Variants in AKT1 observed in about 807,000 individuals in gnomAD.
AKT1 encodes RAC-alpha serine/threonine-protein kinase.
Under a neutral mutation model 63.1 loss-of-function variants are expected in AKT1, and 21 were observed. That is an observed-to-expected ratio of 0.33 (90% confidence interval 0.24 to 0.48). The LOEUF (loss-of-function observed/expected upper bound fraction) is 0.48, where lower values mean the gene tolerates loss of function less well. Ranked by LOEUF, AKT1 falls within the 20% of genes least tolerant of loss-of-function variation. The pLI is 0.99. For synonymous variants in AKT1, 257 were observed against 253.1 expected (o/e 1.02, Z -0.15); for missense variants, 382 against 666.0 (o/e 0.57, Z 4.69).
At chr14:104,780,237 A>G in intron 3 of AKT1, 21 bp from the exon 4 acceptor site, 2 of 1,611,840 alleles carry the variant, frequency 1.2e-6, no homozygotes, top group Non-Finnish European at 1.7e-6. Flanking sequence ...GCGGGTGGTG[A>G]GAGCCACGCA....
chr14:104,777,045 GTCCT>G (rs1892757642), intron 4 of AKT1: 2 of 422,952 alleles, frequency 4.7e-6, no homozygotes, highest in South Asian at 2.7e-5. Context: ...CACTCCTACA[GTCCT>G]TCCTTCAGTC....
intron 4 of AKT1, chr14:104,777,820 AG>A (rs1235178615): frequency 5.8e-6 from 4 of 688,098 alleles, no homozygotes; most frequent in Admixed American, 1.3e-4. Flanking sequence ...GGGGGCCAGG[AG>A]GGGGCTCGGG....
rs61761249 is a variant in AKT1, at chr14:104,770,092, G to C, written c.*249C>G. 2.3e-3 allele frequency: 1,343 copies of C among 578,070 alleles called. 18 individuals are homozygous for C. Among genetic ancestry groups the C allele is most frequent in the African/African-American group, 0.023 (1,240 of 53,652 alleles). 35.8% of individuals were successfully genotyped at this position (578,070 alleles called of 1,614,324 possible). A position where few individuals can be genotyped will look rare whatever the true frequency, so the allele number is the denominator to read the frequency against. ...CCCTACGTGAATCGGATTGTTCTGA[G>C]GGCTGAGGCCACACCCGGAGAACAA... On this transcript the variant is annotated 3_prime_UTR_variant, in exon 15 of 15. Coordinates refer to ENST00000649815, the MANE Select transcript of AKT1 (RefSeq NM_001382430.1).
At chr14:104,774,155 G>A in intron 8 of AKT1, 175 bp from the exon 9 acceptor site, 1 of 618,258 alleles carries the variant, frequency 1.6e-6, no homozygotes, top group Non-Finnish European at 2.9e-6. Context: ...ATACCACACT[G>A]CCCCACACCA....
intron 13 of AKT1, chr14:104,771,602 T>A: frequency 4.3e-6 from 1 of 232,970 alleles, no homozygotes; most frequent in African/African-American, 2.2e-5. Flanking sequence ...CAGGGCACCC[T>A]GTGTTAATGG....
chr14:104,780,771 G>C (rs1892991972), intron 3 of AKT1, among the ~76,000 whole-genome samples: 1 of 151,036 alleles, frequency 6.6e-6, no homozygotes, highest in South Asian at 2.1e-4. Context: ...CACAGTTAGA[G>C]GTCAGCACCA....
At chr14:104,777,076 C>T (rs895356749) in intron 4 of AKT1, 10 of 340,738 alleles carry the variant, frequency 2.9e-5, no homozygotes, top group East Asian at 1.3e-4. Flanking sequence ...CCCCGCCGTG[C>T]GCCAGGCCTC....
chr14:104,780,988 C>G (rs1167561430), intron 3 of AKT1, among the ~76,000 whole-genome samples: 1 of 152,236 alleles, frequency 6.6e-6, no homozygotes, highest in Non-Finnish European at 1.5e-5. Flanking sequence ...GCCGTCGGCC[C>G]TGCCGCGTCC....
chr14:104,772,508 G>A lies in AKT1; in HGVS notation c.1173-56C>T, dbSNP rs1357218398. ...GTACCGCCACCTGCCCAGGCCCTGG[G>A]TTCAGGCCCCTTCCTCCTGTGATGT... is the stretch of plus-strand genomic sequence containing the variant. On this transcript the variant is annotated intron_variant, in intron 12 of 14. Coordinates refer to ENST00000649815, the MANE Select transcript of AKT1 (RefSeq NM_001382430.1). The A allele has an allele frequency of 5.7e-6, 9 of 1,569,506 alleles. No individual in the cohort carries two copies. The East Asian group carries it at 6.7e-5, about 12-fold the overall frequency.
At position 104,770,354 on chromosome 14, in the gene AKT1, C is replaced by T. The variant is rs1892308596; in HGVS notation, c.1430G>A (p.Ser477Asn). 1 of 1,612,086 alleles carries T rather than the reference C, an allele frequency of 6.2e-7. No homozygotes were observed. Residue 477 changes from serine to asparagine, a missense_variant, in exon 15 of 15, where the codon AGC (serine) becomes AAC (asparagine). Coordinates refer to ENST00000649815, the MANE Select transcript of AKT1 (RefSeq NM_001382430.1). ...TCCACCGCCGCCTCAGGCCGTGCCG[C>T]TGGCCGAGTAGGAGAACTGGGGGAA... ...PHFPQFSYSA[S>N]GTA is the part of the protein sequence containing the mutation.
Position 104,790,289 on chromosome 14 carries a change from G to A in AKT1, c.46+2309C>T, listed in dbSNP as rs193105005. ...GCAGGAGCAAGGCTGGGGGGGAGTG[G>A]AACAGGGCGTCTGCAAGGGGCTGCG... On this transcript the variant is annotated intron_variant, in intron 3 of 14. Transcript: ENST00000649815. 4.2e-3 allele frequency among the ~76,000 whole-genome samples: 633 copies of A among 152,308 alleles called. 7 individuals are homozygous for A. The highest frequency in any genetic ancestry group is 0.015 in the African/African-American group (605 of 41,570).
In AKT1 at chr14:104,776,603, C is replaced by T. The variant is rs1892729052; in HGVS notation, c.287+56G>A. On this transcript the variant is annotated intron_variant, in intron 5 of 14. Transcript: ENST00000649815. ...GCCAGCACCCCGCCATCCCCGTGTC[C>T]CTCCTAAGCGCTGGGGCTGCCCAAG... 2.7e-6 allele frequency: 4 copies of T among 1,490,460 alleles called. No homozygotes were observed. In the South Asian group the frequency reaches 3.5e-5, roughly 13 times the overall value. The allele number at this position is 1,490,460 out of a possible 1,614,324, so 92.3% of individuals were successfully genotyped here.
intron 14 of AKT1, 22 bp from the exon 15 acceptor site, chr14:104,770,442 A>AC: frequency 1.9e-6 from 3 of 1,555,370 alleles, no homozygotes; most frequent in Non-Finnish European, 2.6e-6. Flanking sequence ...GACAGCTCAG[A>AC]CCCCGGTGCC....
chr14:104,771,669 C>T, intron 13 of AKT1: 1 of 235,666 alleles, frequency 4.2e-6, no homozygotes, highest in Non-Finnish European at 8.4e-6. Flanking sequence ...CTGCACACAG[C>T]CTAGGACAGG....
In AKT1 at chr14:104,772,842, G is replaced by A. The variant is rs1595241671; in HGVS notation, c.1172+36C>T. ...GGTGCAGCCTGGGGATGAGGGGATG[G>A]AGGTGTAGCCTGTAGCTGGGATGGG... On this transcript the variant is annotated intron_variant, in intron 12 of 14. Coordinates refer to ENST00000649815, the MANE Select transcript of AKT1 (RefSeq NM_001382430.1). 9 of 1,580,338 alleles carry A rather than the reference G, an allele frequency of 5.7e-6. No homozygotes were observed. In the East Asian group the frequency reaches 2.0e-4, roughly 36 times the overall value.
chr14:104,776,846 C>G, intron 4 of AKT1, 76 bp from the exon 5 acceptor site: 1 of 1,240,276 alleles, frequency 8.1e-7, no homozygotes, highest in Non-Finnish European at 1.1e-6. Context: ...CCCCGCTGCA[C>G]CAGCCAGCTC....
intron 3 of AKT1, among the ~76,000 whole-genome samples, chr14:104,780,836 A>G (rs1392613688): frequency 6.6e-6 from 1 of 151,792 alleles, no homozygotes; most frequent in Middle Eastern, 3.2e-3. Context: ...GTGGGATCGC[A>G]CTCCCTGTCT....
intron 3 of AKT1, among the ~76,000 whole-genome samples, chr14:104,785,180 C>T (rs1480395266): frequency 6.6e-6 from 1 of 152,190 alleles, no homozygotes; most frequent in Non-Finnish European, 1.5e-5. Flanking sequence ...GCTCCGCTGA[C>T]GGCAGCCCAT....
chr14:104,779,774 TCAGCTCGGAGACCC>T (rs1892931150), intron 4 of AKT1, among the ~76,000 whole-genome samples: 4 of 148,850 alleles, frequency 2.7e-5, no homozygotes, highest in African/African-American at 7.6e-5. Context: ...GCCTCAGGAC[TCAGCTCGGAGACCC>T]CTGCCCAGCC....
Sources: gnomAD v4.1 joint callset for allele counts (sites outside exome capture counted in the v4.1 genomes callset) on GRCh38, gnomAD v4.1.1 for gene constraint, MANE v1.5 for transcripts, NCBI Gene and HGNC (gene_info 2026-07-23, HGNC 2026-07-21) for gene names.